The following CAST variants were observed in gnomAD, a reference collection of about 807,000 sequenced individuals.
CAST encodes the protein calpastatin, also known as MIR583 host.
In CAST, 76 loss-of-function variants were observed where a neutral mutation model predicts 119.6. That is an observed-to-expected ratio of 0.64 (90% confidence interval 0.53 to 0.77). CAST has a LOEUF of 0.77. Ranked by LOEUF, CAST falls within the 30% of genes least tolerant of loss-of-function variation. The pLI, the probability that CAST is intolerant of heterozygous loss-of-function variation, is 0.00. For synonymous variants in CAST, 319 were observed against 331.6 expected (o/e 0.96, Z 0.41); for missense variants, 953 against 946.5 (o/e 1.01, Z -0.09).
the CAST span, among the ~76,000 whole-genome samples, chr5:96,487,320 A>G: frequency 3.9e-5 from 6 of 152,226 alleles, no homozygotes; most frequent in Admixed American, 3.3e-4. Flanking sequence ...CAATGCAGAT[A>G]TGTGTATTTT....
At chr5:96,519,772 A>C in the CAST span, among the ~76,000 whole-genome samples, 15 of 151,948 alleles carry the variant, frequency 9.9e-5, no homozygotes, top group Non-Finnish European at 1.9e-4. Context: ...ATGCTTTGCT[A>C]ATTTTTGTAT....
At chr5:96,079,806 T>C in the CAST span, among the ~76,000 whole-genome samples, 1 of 152,190 alleles carries the variant, frequency 6.6e-6, no homozygotes, top group African/African-American at 2.4e-5. Flanking sequence ...TCTTAGAAAT[T>C]TTTCTATATC....
intron 1 of CAST, among the ~76,000 whole-genome samples, chr5:96,553,179 C>G (rs576046099): frequency 6.6e-6 from 1 of 152,104 alleles, no homozygotes; most frequent in Non-Finnish European, 1.5e-5. Context: ...ACTGGCAAAC[C>G]GAATCCAGCA....
the CAST span, among the ~76,000 whole-genome samples, chr5:96,269,979 C>CA: frequency 6.6e-6 from 1 of 152,054 alleles, no homozygotes; most frequent in Non-Finnish European, 1.5e-5. Context: ...AATATTGATG[C>CA]AAAAATTCTC....
the CAST span, among the ~76,000 whole-genome samples, chr5:96,206,153 T>C: frequency 1.3e-5 from 2 of 151,218 alleles, no homozygotes; most frequent in Non-Finnish European, 2.9e-5. Flanking sequence ...CCCTTTTTAA[T>C]GGTGTTATTT....
At chr5:96,172,090 G>C in the CAST span, among the ~76,000 whole-genome samples, 1 of 152,244 alleles carries the variant, frequency 6.6e-6, no homozygotes, top group South Asian at 2.1e-4. Context: ...AGGGAGATGG[G>C]GTGGGGCTGT....
At chr5:96,676,650 A>G (rs1750744195) in intron 2 of CAST, among the ~76,000 whole-genome samples, 1 of 152,132 alleles carries the variant, frequency 6.6e-6, no homozygotes, top group Non-Finnish European at 1.5e-5. Flanking sequence ...AAAAATACAA[A>G]GTAGAAGTAA....
the CAST span, among the ~76,000 whole-genome samples, chr5:96,290,187 C>T: frequency 6.6e-6 from 1 of 152,166 alleles, no homozygotes; most frequent in Non-Finnish European, 1.5e-5. Flanking sequence ...TCTGTTTAAG[C>T]TTCACCCATC....
At chr5:96,042,982 G>A in the CAST span, among the ~76,000 whole-genome samples, 9 of 152,032 alleles carry the variant, frequency 5.9e-5, no homozygotes, top group South Asian at 1.2e-3. Flanking sequence ...GAAGCCCATG[G>A]AAGTGACAAT....
At chr5:96,729,576 T>C (rs1438667038) in intron 7 of CAST, 36 bp from the exon 8 acceptor site, 1 of 827,540 alleles carries the variant, frequency 1.2e-6, no homozygotes, top group Non-Finnish European at 2.2e-6. Context: ...AACAATGTCT[T>C]TATATGTGTG....
the CAST span, among the ~76,000 whole-genome samples, chr5:95,991,502 T>G: frequency 1.9e-4 from 26 of 140,260 alleles, no homozygotes; most frequent in South Asian, 3.4e-3. Flanking sequence ...GTTTTGTTTT[T>G]TTTTTTTTTT....
the CAST span, chr5:96,397,437 G>T: frequency 6.2e-7 from 1 of 1,612,560 alleles, no homozygotes; most frequent in East Asian, 2.2e-5. Context: ...GATGTATCCC[G>T]TTCTCTTTCA....
At chr5:96,221,308 GAA>G in the CAST span, among the ~76,000 whole-genome samples, 1 of 152,068 alleles carries the variant, frequency 6.6e-6, no homozygotes, top group African/African-American at 2.4e-5. Context: ...ATTCGAATTG[GAA>G]AAGAGGAAGT....
chr5:96,183,697 G>A, the CAST span, among the ~76,000 whole-genome samples: 4 of 152,072 alleles, frequency 2.6e-5, no homozygotes, highest in Non-Finnish European at 5.9e-5. Flanking sequence ...TGTAATTTTG[G>A]GGAGTCGCAT....
At chr5:96,511,791 A>T in the CAST span, among the ~76,000 whole-genome samples, 1 of 152,164 alleles carries the variant, frequency 6.6e-6, no homozygotes. Context: ...ACAAATCAAG[A>T]CTTTGGTTCC....
At chr5:96,662,675 C>T (rs1208432876) in intron 1 of CAST, among the ~76,000 whole-genome samples, 178 bp downstream of exon 1, 1 of 152,210 alleles carries the variant, frequency 6.6e-6, no homozygotes, top group Non-Finnish European at 1.5e-5. Context: ...CAGGTGGCTT[C>T]GGTTCCCCGG....
At chr5:96,017,364 C>T in the CAST span, among the ~76,000 whole-genome samples, 1 of 152,140 alleles carries the variant, frequency 6.6e-6, no homozygotes, top group Admixed American at 6.6e-5. Flanking sequence ...TTGTCCTTCT[C>T]TATTTGTGTT....
chr5:96,448,291 G>C, the CAST span, among the ~76,000 whole-genome samples: 1 of 152,188 alleles, frequency 6.6e-6, no homozygotes, highest in Non-Finnish European at 1.5e-5. Flanking sequence ...TTGAGGTTTT[G>C]AGGCTAAGTG....
chr5:96,701,830 C>G (rs1753938109), intron 3 of CAST, among the ~76,000 whole-genome samples: 2 of 150,846 alleles, frequency 1.3e-5, no homozygotes, highest in African/African-American at 4.9e-5. Context: ...ATTATAAGGA[C>G]AGGGTCTTCT....
Sources: allele counts gnomAD v4.1 joint callset (sites outside exome capture counted in the v4.1 genomes callset), GRCh38; gene constraint gnomAD v4.1.1; transcripts MANE v1.5; gene names NCBI Gene and HGNC (gene_info 2026-07-23, HGNC 2026-07-21).